The following LINGO2 variants were observed in gnomAD, a reference collection of about 807,000 sequenced individuals.
LINGO2 encodes leucine rich repeat and Ig domain containing 2.
Under a neutral mutation model 30.6 loss-of-function variants are expected in LINGO2, and 14 were observed. That is an observed-to-expected ratio of 0.46 (90% confidence interval 0.30 to 0.72). The LOEUF (loss-of-function observed/expected upper bound fraction) is 0.72. Among genes scored for constraint, LINGO2 ranks in the 30% least tolerant of loss-of-function variants. The pLI, the probability that LINGO2 is intolerant of heterozygous loss-of-function variation, is 0.07. For missense variants in LINGO2, 729 were observed against 751.7 expected, an observed-to-expected ratio of 0.97 and a Z score of 0.35; for synonymous variants, 317 against 288.5, an observed-to-expected ratio of 1.10 and a Z score of -1.00.
At chr9:28,159,259 C>A (rs921045411) in intron 4 of LINGO2, among the ~76,000 whole-genome samples, 1 of 152,078 alleles carries the variant, frequency 6.6e-6, no homozygotes, top group African/African-American at 2.4e-5. Context: ...TATCATAATA[C>A]TTGAGGTGAA....
At chr9:28,885,896 A>T in the LINGO2 span, among the ~76,000 whole-genome samples, 1 of 152,164 alleles carries the variant, frequency 6.6e-6, no homozygotes, top group Non-Finnish European at 1.5e-5. Flanking sequence ...TGCATAAACC[A>T]GATCCACTTT....
At chr9:28,331,144 G>T (rs1210005141) in intron 3 of LINGO2, among the ~76,000 whole-genome samples, 3 of 151,766 alleles carry the variant, frequency 2.0e-5, no homozygotes, top group Non-Finnish European at 2.9e-5. Flanking sequence ...TCCTTTCCAG[G>T]TCTCTTTATT....
In LINGO2 at chr9:28,427,905, A is replaced by G. The variant is rs540271543; in HGVS notation, c.-279+48035T>C. On this transcript the variant is annotated intron_variant, in intron 2 of 5. Coordinates refer to ENST00000379992, the Ensembl canonical transcript of LINGO2. ...TTATATGAGGACATTCAATAGGTCA[A>G]CCTCCCCTACTTTCTTCAATTGAGA... is the stretch of plus-strand genomic sequence containing the variant. Among the ~76,000 whole-genome samples the G allele has an allele frequency of 1.5e-3, 225 of 152,092 alleles. 1 individual carries two copies. The highest frequency in any genetic ancestry group is 3.0e-3 in the Non-Finnish European group (201 of 67,974).
At chr9:28,693,439 G>A in the LINGO2 span, among the ~76,000 whole-genome samples, 13 of 152,018 alleles carry the variant, frequency 8.6e-5, no homozygotes, top group African/African-American at 2.9e-4. Flanking sequence ...GAGATGCAGG[G>A]ATTTTAAGAG....
chr9:28,565,156 T>G (rs550467162), intron 1 of LINGO2, among the ~76,000 whole-genome samples: 53 of 152,240 alleles, frequency 3.5e-4, no homozygotes, highest in African/African-American at 9.6e-4. Context: ...TTTATAATAT[T>G]CACATGTAAA....
intron 5 of LINGO2, among the ~76,000 whole-genome samples, chr9:27,955,068 T>C (rs1432763047): frequency 6.6e-6 from 1 of 152,222 alleles, no homozygotes; most frequent in Non-Finnish European, 1.5e-5. Flanking sequence ...GAGAAATGTC[T>C]ACTGATGTCC....
the LINGO2 span, among the ~76,000 whole-genome samples, chr9:29,078,200 T>C: frequency 1.1e-4 from 17 of 151,772 alleles, no homozygotes; most frequent in Non-Finnish European, 2.2e-4. Context: ...ACCTGTAGGG[T>C]AAAACCATGA....
the LINGO2 span, among the ~76,000 whole-genome samples, chr9:29,053,208 A>T: frequency 6.6e-6 from 1 of 152,150 alleles, no homozygotes; most frequent in Non-Finnish European, 1.5e-5. Context: ...AAAAAATGAT[A>T]ATCTTAATAC....
the LINGO2 span, among the ~76,000 whole-genome samples, chr9:28,772,565 A>G: frequency 6.6e-6 from 1 of 152,346 alleles, no homozygotes; most frequent in Middle Eastern, 3.4e-3. Flanking sequence ...AGTTATTGAT[A>G]TTACTAAATG....
chr9:28,876,703 A>G, the LINGO2 span, among the ~76,000 whole-genome samples: 2 of 152,164 alleles, frequency 1.3e-5, no homozygotes, highest in Non-Finnish European at 2.9e-5. Flanking sequence ...TAGTGCCGCA[A>G]TAAACATACG....
intron 4 of LINGO2, among the ~76,000 whole-genome samples, chr9:28,032,052 A>G (rs1467099561): frequency 6.7e-6 from 1 of 150,358 alleles, no homozygotes; most frequent in Non-Finnish European, 1.5e-5. Flanking sequence ...GGGGGGGGAA[A>G]GCCTCACTGG....
intron 1 of LINGO2, among the ~76,000 whole-genome samples, chr9:28,636,613 T>A (rs2135910512): frequency 6.6e-6 from 1 of 152,340 alleles, no homozygotes; most frequent in African/African-American, 2.4e-5. Flanking sequence ...GTTGGCTGCA[T>A]AAATGTCTTC....
chr9:29,065,515 T>G, the LINGO2 span, among the ~76,000 whole-genome samples: 4 of 152,130 alleles, frequency 2.6e-5, no homozygotes, highest in Admixed American at 6.6e-5. Flanking sequence ...CACCATTTAT[T>G]GAATAGGATA....
At chr9:28,480,018 A>T (rs952315875) in intron 1 of LINGO2, among the ~76,000 whole-genome samples, 5 of 148,000 alleles carry the variant, frequency 3.4e-5, no homozygotes, top group African/African-American at 1.2e-4. Context: ...CCACCATAAT[A>T]AATTGCTATT....
chr9:28,641,454 A>G (rs568189112), intron 1 of LINGO2, among the ~76,000 whole-genome samples: 3 of 152,168 alleles, frequency 2.0e-5, no homozygotes, highest in Non-Finnish European at 2.9e-5. Flanking sequence ...GCCCCAAGAA[A>G]GTCACTAGTG....
intron 4 of LINGO2, among the ~76,000 whole-genome samples, chr9:28,022,978 C>T (rs1418308983): frequency 6.6e-6 from 1 of 152,008 alleles, no homozygotes; most frequent in East Asian, 1.9e-4. Flanking sequence ...TCCTCAAAGA[C>T]ATTTTTCATT....
the LINGO2 span, among the ~76,000 whole-genome samples, chr9:29,018,023 C>CATAT: frequency 9.6e-3 from 885 of 92,340 alleles, 10 homozygotes; most frequent in African/African-American, 0.029. Context: ...TATAAATCTG[C>CATAT]ATATATATAT....
chr9:28,962,750 C>T, the LINGO2 span, among the ~76,000 whole-genome samples: 3 of 151,580 alleles, frequency 2.0e-5, no homozygotes, highest in African/African-American at 7.3e-5. Context: ...AACATATTCT[C>T]ATATATCTAT....
At chr9:28,050,358 G>A (rs1824616029) in intron 4 of LINGO2, among the ~76,000 whole-genome samples, 1 of 150,614 alleles carries the variant, frequency 6.6e-6, no homozygotes, top group Non-Finnish European at 1.5e-5. Context: ...CCCATATCTG[G>A]AGTCTTGACA....
Sources: gnomAD v4.1 joint callset for allele counts (sites outside exome capture counted in the v4.1 genomes callset) on GRCh38, gnomAD v4.1.1 for gene constraint, MANE v1.5 for transcripts, NCBI Gene and HGNC (gene_info 2026-07-23, HGNC 2026-07-21) for gene names.